Variants in EIF2B1 observed in about 807,000 individuals in gnomAD.
EIF2B1 encodes translation initiation factor eIF2B subunit alpha.
EIF2B1 carries 30 observed loss-of-function variants against 36.8 expected under a neutral mutation model. The ratio of observed to expected loss-of-function variants is 0.81; its 90% CI spans 0.61 to 1.10. The LOEUF (loss-of-function observed/expected upper bound fraction) is 1.10. Ranked by LOEUF, EIF2B1 falls within the 50% of genes least tolerant of loss-of-function variation. The pLI is 0.00. For missense variants in EIF2B1, 271 were observed against 374.8 expected (o/e 0.72, Z 2.29); for synonymous variants, 139 against 142.2 (o/e 0.98, Z 0.16).
At position 123,621,402 on chromosome 12, in the gene EIF2B1, G is replaced by T. The variant is rs141505281; in HGVS notation, c.*354C>A. 844 of 350,130 alleles carry T rather than the reference G, an allele frequency of 2.4e-3. 5 individuals carry two copies. Among genetic ancestry groups the T allele is most frequent in the African/African-American group, 0.017 (809 of 47,000 alleles). 21.7% of individuals were successfully genotyped at this position (350,130 alleles called of 1,614,324 possible). ...TGTGGCTGCTTTTCGCCTGCATCTC[G>T]CGTGCTTTAGGCAGATCAGTCTGGA... On this transcript the variant is annotated 3_prime_UTR_variant, in exon 9 of 9. Coordinates refer to ENST00000424014, the MANE Select transcript of EIF2B1 (RefSeq NM_001414.4).
chr12:123,626,598 T>G (rs1415039396), intron 5 of EIF2B1, 105 bp from the exon 6 acceptor site: 1 of 1,276,662 alleles, frequency 7.8e-7, no homozygotes, highest in Non-Finnish European at 1.1e-6. Flanking sequence ...CTCACATTAA[T>G]ACTAATGGGT....
intron 4 of EIF2B1, among the ~76,000 whole-genome samples, chr12:123,629,796 A>G (rs1593782094): frequency 6.6e-6 from 1 of 151,876 alleles, no homozygotes; most frequent in East Asian, 1.9e-4. Context: ...CCGTCTCAAA[A>G]TAAATAAATA....
At chr12:123,622,231 A>G (rs1955107758) in intron 8 of EIF2B1, among the ~76,000 whole-genome samples, 1 of 152,122 alleles carries the variant, frequency 6.6e-6, no homozygotes, top group Non-Finnish European at 1.5e-5. Context: ...CGTGCCAGGG[A>G]CTGTGCTAAG....
At chr12:123,622,608 T>A (rs768111716) in intron 8 of EIF2B1, 28 bp downstream of exon 8, 1 of 1,613,546 alleles carries the variant, frequency 6.2e-7, no homozygotes, top group Non-Finnish European at 8.5e-7. Flanking sequence ...TAGACTTTAG[T>A]ACCCCTTCAA....
Position 123,621,721 on chromosome 12 carries a change from C to T in EIF2B1, c.*35G>A, listed in dbSNP as rs1489994362. The T allele has an allele frequency of 1.8e-5, 29 of 1,612,540 alleles. No individual in the cohort carries two copies. Among genetic ancestry groups the T allele is most frequent in the South Asian group, 3.3e-5 (3 of 90,992 alleles). ...GCAGCTACTCACCCTGCCTCAACTA[C>T]GTAAGCTGCACCTTGGCAGGAAAGG... On this transcript the variant is annotated 3_prime_UTR_variant, in exon 9 of 9. Coordinates refer to ENST00000424014, the MANE Select transcript of EIF2B1 (RefSeq NM_001414.4).
At chr12:123,622,589 G>A in intron 8 of EIF2B1, 47 bp downstream of exon 8, 1 of 1,612,404 alleles carries the variant, frequency 6.2e-7, no homozygotes, top group East Asian at 2.2e-5. Flanking sequence ...ATTTCCAAAG[G>A]TTTCTGTTTA....
Position 123,630,080 on chromosome 12 carries a change from C to G in EIF2B1, c.369+89G>C, listed in dbSNP as rs1383760443. On this transcript the variant is annotated intron_variant, in intron 4 of 8. Transcript: ENST00000424014. The surrounding 1 kb of genome is among the most constrained non-coding windows in gnomAD (Gnocchi z 4.6). Reference sequence around the variant, plus strand: ...AAGTTACTTGTTCAAGTCTCCACAGCAAGTGAGTGGCAGAGCCCGGATTTT... The same window carrying G: ...AAGTTACTTGTTCAAGTCTCCACAGGAAGTGAGTGGCAGAGCCCGGATTTT... The G allele has an allele frequency of 6.4e-6, 7 of 1,098,994 alleles. No individual in the cohort carries two copies. Among genetic ancestry groups the G allele is most frequent in the African/African-American group, 1.5e-5 (1 of 65,058 alleles). The allele number at this position is 1,098,994 out of a possible 1,614,324, so 68.1% of individuals were successfully genotyped here.
chr12:123,626,124 C>A (rs1384234599), intron 6 of EIF2B1: 1 of 394,806 alleles, frequency 2.5e-6, no homozygotes, highest in African/African-American at 2.1e-5. Context: ...CAGGGCAAGA[C>A]TCCATCTCAA....
rs373320659 is a variant in EIF2B1, at chr12:123,621,939, A to G, written c.754-19T>C. The G allele has an allele frequency of 1.2e-5, 20 of 1,613,496 alleles. No homozygotes were observed. The highest frequency in any genetic ancestry group is 1.2e-4 in the South Asian group (11 of 91,006). On this transcript the variant is annotated intron_variant, in intron 8 of 8. Transcript: ENST00000424014. ...CCTTATACTGAGGAGAGAAGTACAC[A>G]TTAGTCGGCACTGAATATTTAGTGC...
At chr12:123,631,202 G>A (rs906354114) in intron 2 of EIF2B1, among the ~76,000 whole-genome samples, 2 of 152,146 alleles carry the variant, frequency 1.3e-5, no homozygotes, top group Non-Finnish European at 2.9e-5. Context: ...ATATAACATA[G>A]TCACTCTCGA....
At chr12:123,629,584 G>A (rs543067781) in intron 4 of EIF2B1, among the ~76,000 whole-genome samples, 34 of 152,236 alleles carry the variant, frequency 2.2e-4, no homozygotes, top group Admixed American at 3.9e-4. Context: ...ACAAGGTCAG[G>A]AGATCGAGAC....
chr12:123,632,897 G>A (rs1955210287), intron 1 of EIF2B1, among the ~76,000 whole-genome samples: 1 of 140,600 alleles, frequency 7.1e-6, no homozygotes, highest in Non-Finnish European at 1.5e-5. Context: ...AGTGAGCCGA[G>A]ACTGCGCCAC....
chr12:123,625,950 G>A (rs1232998626), intron 6 of EIF2B1: 1 of 184,536 alleles, frequency 5.4e-6, no homozygotes, highest in Non-Finnish European at 1.2e-5. Flanking sequence ...GGCCAACATG[G>A]TGAAACCCCA....
rs190573471 is a variant in EIF2B1 at position 123,623,035 on chromosome 12, C to G, written c.628-274G>C. On this transcript the variant is annotated intron_variant, in intron 7 of 8. Coordinates refer to ENST00000424014, the MANE Select transcript of EIF2B1 (RefSeq NM_001414.4). ...TATCTAATACATATATTAGATATATCTAATTCTGACTTTGGAATCAAAAAA... is the reference window on the plus strand; with the variant it reads ...TATCTAATACATATATTAGATATATGTAATTCTGACTTTGGAATCAAAAAA... Among the ~76,000 whole-genome samples, 908 of 152,024 alleles carry G rather than the reference C, an allele frequency of 6.0e-3. 10 individuals carry two copies. The highest frequency in any genetic ancestry group is 0.02 in the African/African-American group (846 of 41,474).
At chr12:123,632,889 T>C (rs997283819) in intron 1 of EIF2B1, among the ~76,000 whole-genome samples, 3 of 138,442 alleles carry the variant, frequency 2.2e-5, no homozygotes, top group Non-Finnish European at 3.0e-5. Context: ...GAGCTTGCAG[T>C]GAGCCGAGAC....
chr12:123,621,383 T>C lies in EIF2B1; in HGVS notation c.*373A>G. On this transcript the variant is annotated 3_prime_UTR_variant, in exon 9 of 9. Transcript: ENST00000424014. ...GTCATTTGTGGCAGAGGGGTGTGGCTGCTTTTCGCCTGCATCTCGCGTGCT... is the reference window on the plus strand; with the variant it reads ...GTCATTTGTGGCAGAGGGGTGTGGCCGCTTTTCGCCTGCATCTCGCGTGCT... 5.8e-6 allele frequency: 2 copies of C among 342,396 alleles called. No individual in the cohort carries two copies. The highest frequency in any genetic ancestry group is 1.1e-5 in the Non-Finnish European group (2 of 174,970). 21.2% of individuals were successfully genotyped at this position (342,396 alleles called of 1,614,324 possible).
At chr12:123,632,718 G>A (rs949016152) in intron 1 of EIF2B1, among the ~76,000 whole-genome samples, 4 of 151,822 alleles carry the variant, frequency 2.6e-5, no homozygotes, top group African/African-American at 7.3e-5. Flanking sequence ...AGTCCGAGGC[G>A]GGCGGATCAC....
At position 123,630,093 on chromosome 12, in the gene EIF2B1, G is replaced by A; in HGVS notation, c.369+76C>T. 3.1e-6 allele frequency: 4 copies of A among 1,285,584 alleles called. No homozygotes were observed. The Admixed American group carries it at 6.7e-5, about 22-fold the overall frequency. 79.6% of individuals were successfully genotyped at this position (1,285,584 alleles called of 1,614,324 possible). On this transcript the variant is annotated intron_variant, in intron 4 of 8. Coordinates refer to ENST00000424014, the MANE Select transcript of EIF2B1 (RefSeq NM_001414.4). This position sits in a 1 kb window ranked among gnomAD's most constrained non-coding sequence, Gnocchi z 4.6. ...AAGTCTCCACAGCAAGTGAGTGGCA[G>A]AGCCCGGATTTTACCCCAGGCAGTC...
In EIF2B1 at chr12:123,628,266, G is replaced by T. The variant is rs140583004; in HGVS notation, c.370-1110C>A. On this transcript the variant is annotated intron_variant, in intron 4 of 8. Transcript: ENST00000424014. ...GAGACAGGGCCTCTCTCCCTATGTT[G>T]CTCAGGCTAGTGTTGAATTCCTGGC... is the stretch of plus-strand genomic sequence containing the variant. Among the ~76,000 whole-genome samples the T allele has an allele frequency of 1.8e-3, 269 of 151,410 alleles. 1 individual carries two copies. Among genetic ancestry groups the T allele is most frequent in the Non-Finnish European group, 3.4e-3 (228 of 67,938 alleles).
Sources: allele counts gnomAD v4.1 joint callset (sites outside exome capture counted in the v4.1 genomes callset), GRCh38; gene constraint gnomAD v4.1.1; non-coding constraint Gnocchi (gnomAD v3.1); transcripts MANE v1.5; gene names NCBI Gene and HGNC (gene_info 2026-07-23, HGNC 2026-07-21).